KSR1: variants seen among roughly 807,000 people sequenced by gnomAD.
The protein encoded by KSR1 is kinase suppressor of ras.
KSR1 carries 35 observed loss-of-function variants against 92.9 expected under a neutral mutation model. That is an observed-to-expected ratio of 0.38 (90% confidence interval 0.29 to 0.50). KSR1 has a LOEUF of 0.50. Ranked by LOEUF, KSR1 falls within the 20% of genes least tolerant of loss-of-function variation. The pLI, the probability that KSR1 is intolerant of heterozygous loss-of-function variation, is 0.94. For synonymous variants in KSR1, 467 were observed against 472.6 expected, an observed-to-expected ratio of 0.99 and a Z score of 0.15; for missense variants, 972 against 1,158.5, an observed-to-expected ratio of 0.84 and a Z score of 2.34.
At chr17:27,458,234 G>A (rs2019272261) in intron 1 of KSR1, among the ~76,000 whole-genome samples, 1 of 152,208 alleles carries the variant, frequency 6.6e-6, no homozygotes, top group Middle Eastern at 3.2e-3. Context: ...AGTTTTCCAA[G>A]TATTGAGAGA....
intron 1 of KSR1, among the ~76,000 whole-genome samples, chr17:27,531,065 C>T (rs752506819): frequency 2.7e-4 from 41 of 152,330 alleles, no homozygotes; most frequent in African/African-American, 9.9e-4. Flanking sequence ...TTGTGCTGGG[C>T]GTTTCCTTGT....
intron 1 of KSR1, among the ~76,000 whole-genome samples, chr17:27,458,742 C>A (rs1283524299): frequency 1.3e-5 from 2 of 152,172 alleles, no homozygotes; most frequent in Non-Finnish European, 2.9e-5. Flanking sequence ...GTTCACTCCA[C>A]TTCCTGAAAA....
At chr17:27,601,145 C>G in intron 10 of KSR1, 1 of 575,584 alleles carries the variant, frequency 1.7e-6, no homozygotes, top group Non-Finnish European at 3.1e-6. Flanking sequence ...AGTGCAAGCC[C>G]CTTTAGTCCT....
At chr17:27,527,001 C>A in intron 1 of KSR1, 1 of 529,288 alleles carries the variant, frequency 1.9e-6, no homozygotes, top group South Asian at 2.1e-5. Flanking sequence ...GATGTTCTCC[C>A]AGCCCTTCTT....
chr17:27,560,554 A>C, intron 2 of KSR1: 1 of 510,554 alleles, frequency 2.0e-6, no homozygotes, highest in South Asian at 1.4e-5. Flanking sequence ...CTTCTCCCAG[A>C]GATGGGGGAC....
At chr17:27,508,222 C>T (rs889133732) in intron 1 of KSR1, among the ~76,000 whole-genome samples, 6 of 152,044 alleles carry the variant, frequency 3.9e-5, no homozygotes, top group African/African-American at 1.5e-4. Context: ...ACTTTGGAGG[C>T]GTGGACATGG....
chr17:27,619,899 A>C (rs1436697292), intron 19 of KSR1, among the ~76,000 whole-genome samples: 3 of 152,122 alleles, frequency 2.0e-5, no homozygotes, highest in African/African-American at 7.2e-5. Flanking sequence ...TTTTTGGTAG[A>C]GATGGGGTTT....
At chr17:27,479,303 ATGCTCCTCCCTTCATCCG>A (rs1402917129) in intron 1 of KSR1, among the ~76,000 whole-genome samples, 4 of 149,604 alleles carry the variant, frequency 2.7e-5, no homozygotes, top group Admixed American at 1.3e-4. Flanking sequence ...TCCCCCATCC[ATGCTCCTCCCTTCATCCG>A]TGCTCCTCCC....
chr17:27,507,456 T>C (rs2069428486), intron 1 of KSR1, among the ~76,000 whole-genome samples: 1 of 151,932 alleles, frequency 6.6e-6, no homozygotes, highest in Non-Finnish European at 1.5e-5. Flanking sequence ...TATATATTTT[T>C]AATGTTTTAT....
chr17:27,598,913 GCCT>G (rs1369066299), intron 10 of KSR1, among the ~76,000 whole-genome samples: 4 of 152,092 alleles, frequency 2.6e-5, no homozygotes, highest in African/African-American at 9.7e-5. Context: ...GAGAAGGCAC[GCCT>G]CCTATCGTCC....
At chr17:27,492,318 G>A (rs2068855532) in intron 1 of KSR1, among the ~76,000 whole-genome samples, 1 of 152,210 alleles carries the variant, frequency 6.6e-6, no homozygotes, top group Admixed American at 6.5e-5. Context: ...TGGGAGGGAG[G>A]AAGGCAGGAG....
intron 1 of KSR1, among the ~76,000 whole-genome samples, chr17:27,496,754 G>A (rs969991160): frequency 1.6e-4 from 24 of 152,222 alleles, no homozygotes; most frequent in Non-Finnish European, 3.4e-4. Context: ...GCAGCCACCT[G>A]CCAAACGCAG....
intron 1 of KSR1, among the ~76,000 whole-genome samples, chr17:27,533,681 C>T (rs1018842823): frequency 6.6e-6 from 1 of 152,110 alleles, no homozygotes; most frequent in Admixed American, 6.6e-5. Flanking sequence ...CGCACCCAGC[C>T]GCAACCATTC....
chr17:27,593,628 G>C (rs2073242995), intron 9 of KSR1, among the ~76,000 whole-genome samples: 1 of 152,210 alleles, frequency 6.6e-6, no homozygotes, highest in Admixed American at 6.5e-5. Context: ...CCCCAGGCCT[G>C]ACAGTCTGCC....
chr17:27,584,357 C>T (rs1187029287), intron 4 of KSR1, among the ~76,000 whole-genome samples: 2 of 152,148 alleles, frequency 1.3e-5, no homozygotes, highest in Non-Finnish European at 2.9e-5. Context: ...TGGGATGGAG[C>T]CTGGACAGCT....
intron 10 of KSR1, among the ~76,000 whole-genome samples, chr17:27,598,631 C>G (rs1473527822): frequency 6.6e-6 from 1 of 152,220 alleles, no homozygotes; most frequent in Non-Finnish European, 1.5e-5. Context: ...TTATTATGCT[C>G]TGAAACTGTG....
chr17:27,472,407 T>G (rs1265693497), intron 1 of KSR1, among the ~76,000 whole-genome samples: 1 of 152,236 alleles, frequency 6.6e-6, no homozygotes, highest in Non-Finnish European at 1.5e-5. Flanking sequence ...GGAGGCTGAA[T>G]GACTCATAAG....
At chr17:27,488,013 G>A (rs916419003) in intron 1 of KSR1, among the ~76,000 whole-genome samples, 1 of 152,162 alleles carries the variant, frequency 6.6e-6, no homozygotes, top group African/African-American at 2.4e-5. Flanking sequence ...AGACTTGGAG[G>A]GGACAAATAT....
At chr17:27,527,206 A>T in intron 1 of KSR1, 1 of 248,552 alleles carries the variant, frequency 4.0e-6, no homozygotes. Flanking sequence ...CAGGTTTTAT[A>T]ATTTCATTGT....
Sources: allele counts gnomAD v4.1 joint callset (sites outside exome capture counted in the v4.1 genomes callset), GRCh38; gene constraint gnomAD v4.1.1; transcripts MANE v1.5; gene names NCBI Gene and HGNC (gene_info 2026-07-23, HGNC 2026-07-21).